Variants in RNF44 observed in about 807,000 individuals in gnomAD.
The protein encoded by RNF44 is ring finger protein 44.
In RNF44, 25 loss-of-function variants were observed where a neutral mutation model predicts 53.6. That is an observed-to-expected ratio of 0.47 (90% CI 0.34 to 0.65). The LOEUF is 0.65. Ranked by LOEUF, RNF44 falls within the 30% of genes least tolerant of loss-of-function variation. The pLI is 0.01. For missense variants in RNF44, 581 were observed against 595.5 expected, an observed-to-expected ratio of 0.98 and a Z score of 0.25; for synonymous variants, 282 against 252.2, an observed-to-expected ratio of 1.12 and a Z score of -1.12.
intron 6 of RNF44, among the ~76,000 whole-genome samples, 175 bp from the exon 7 acceptor site, chr5:176,530,381 G>A (rs193180280): frequency 0.048 from 2,794 of 58,088 alleles, 351 homozygotes; most frequent in Middle Eastern, 0.087. Context: ...AAGTCAGCCC[G>A]GTGGGCCTGC....
chr5:176,530,843 C>T lies in RNF44; in HGVS notation c.639+5G>A. The T allele has an allele frequency of 7.0e-7, 1 of 1,427,530 alleles. No homozygotes were observed. Among genetic ancestry groups the T allele is most frequent in the Non-Finnish European group, 9.2e-7 (1 of 1,092,032 alleles). 88.4% of individuals were successfully genotyped at this position (1,427,530 alleles called of 1,614,324 possible). ...CCCTCCAGCATCGGACCCATGCCGACTCACCATCCGAGGGTGCTGGGTCTG... is the reference window on the plus strand; with the variant it reads ...CCCTCCAGCATCGGACCCATGCCGATTCACCATCCGAGGGTGCTGGGTCTG... On this transcript the variant is annotated splice_donor_5th_base_variant and intron_variant, in intron 5 of 10. Coordinates refer to ENST00000274811, the MANE Select transcript of RNF44 (RefSeq NM_014901.5).
upstream of RNF44, among the ~76,000 whole-genome samples, chr5:176,540,636 T>C (rs1757426088): frequency 6.6e-6 from 1 of 152,176 alleles, no homozygotes; most frequent in Non-Finnish European, 1.5e-5. Flanking sequence ...CAACACCCAG[T>C]CCAGGACCTG....
In RNF44 at chr5:176,531,340, G is replaced by T; in HGVS notation, c.465+123C>A. 2 of 955,740 alleles carry T rather than the reference G, an allele frequency of 2.1e-6. No homozygotes were observed. Among genetic ancestry groups the T allele is most frequent in the Non-Finnish European group, 3.0e-6 (2 of 658,438 alleles). 59.2% of individuals were successfully genotyped at this position (955,740 alleles called of 1,614,324 possible). A position where few individuals can be genotyped will look rare whatever the true frequency, so the allele number is the denominator to read the frequency against. The stretch of plus-strand genomic sequence containing the variant: ...GCTTTCCTGGGGAGGCCAGGCAGGC[G>T]CTCTGACAGCCTGGATGGCTGGATA... On this transcript the variant is annotated intron_variant, in intron 4 of 10. Transcript: ENST00000274811. The surrounding 1 kb of genome is among the most constrained non-coding windows in gnomAD (Gnocchi z 4.2).
Position 176,529,605 on chromosome 5 carries a change from G to C in RNF44, c.1054C>G (p.Pro352Ala). 1 of 1,614,004 alleles carries C rather than the reference G, an allele frequency of 6.2e-7. No individual in the cohort carries two copies. The highest frequency in any genetic ancestry group is 8.5e-7 in the Non-Finnish European group (1 of 1,180,030). The change falls in exon 9 of 11, where the codon CCC becomes GCC. Residue 352 changes from proline to alanine, a missense_variant. Pro to Ala is a conservative substitution (Grantham distance 27). Transcript: ENST00000274811. ...NLAERLGDAK[P>A]RGLTKADIEQ... Reference sequence around the variant, plus strand: ...ATGTCTGCTTTGGTGAGACCCCGGGGCTTGGCATCTCCCAGCCGCTCGGCC... The same window carrying C: ...ATGTCTGCTTTGGTGAGACCCCGGGCCTTGGCATCTCCCAGCCGCTCGGCC...
Position 176,529,623 on chromosome 5 carries a change from G to A in RNF44, c.1036C>T (p.Arg346Trp), listed in dbSNP as rs1300897504. 3.1e-6 allele frequency: 5 copies of A among 1,613,876 alleles called. No individual in the cohort carries two copies. The highest frequency in any genetic ancestry group is 1.6e-4 in the Middle Eastern group (1 of 6,062). ...CCCCGGGGCTTGGCATCTCCCAGCCGCTCGGCCAGGTTCAGGAGGGCCTGC... is the reference window on the plus strand; with the variant it reads ...CCCCGGGGCTTGGCATCTCCCAGCCACTCGGCCAGGTTCAGGAGGGCCTGC... ...NYEALLNLAE[R>W]LGDAKPRGLT... Residue 346 changes from arginine (R) to tryptophan (W), a missense_variant, in exon 9 of 11, where the codon CGG becomes TGG. Arg to Trp is a moderately radical substitution (Grantham distance 101). This residue lies in a region of RNF44 where 183 missense variants were observed against 198.6 expected (regional missense o/e 0.92). Coordinates refer to ENST00000274811, the MANE Select transcript of RNF44 (RefSeq NM_014901.5).
chr5:176,532,555 C>A lies in RNF44; in HGVS notation c.-44-39G>T. On this transcript the variant is annotated intron_variant, in intron 1 of 10. Coordinates refer to ENST00000274811, the MANE Select transcript of RNF44 (RefSeq NM_014901.5). ...AGACAAGAAGACTGAGGCACCTGGC[C>A]AACATGGTGAAACCTCGTCTCTGCT... 2.1e-6 allele frequency: 3 copies of A among 1,442,560 alleles called. No homozygotes were observed. The African/African-American group carries it at 4.3e-5, about 21-fold the overall frequency. The allele number at this position is 1,442,560 out of a possible 1,614,324, so 89.4% of individuals were successfully genotyped here.
Position 176,531,131 on chromosome 5 carries a change from A to G in RNF44, c.466-110T>C. The stretch of plus-strand genomic sequence containing the variant: ...CACCGGGCACACACCCAGCAGCTCC[A>G]GGGTCTGTATAAGAAACCCTGTGGA... On this transcript the variant is annotated intron_variant, in intron 4 of 10. Coordinates refer to ENST00000274811, the MANE Select transcript of RNF44 (RefSeq NM_014901.5). This position sits in a 1 kb window ranked among gnomAD's most constrained non-coding sequence, Gnocchi z 4.2. 1 of 787,378 alleles carries G rather than the reference A, an allele frequency of 1.3e-6. No individual in the cohort carries two copies. The highest frequency in any genetic ancestry group is 1.9e-6 in the Non-Finnish European group (1 of 532,702). 48.8% of individuals were successfully genotyped at this position (787,378 alleles called of 1,614,324 possible).
Position 176,531,999 on chromosome 5 carries a change from C to T in RNF44, c.297+5G>A. ...CAGGGGCACAGGGGATGGGGTTCTGCCTACCTGCTCGTGGAGATCAACCAT... is the reference window on the plus strand; with the variant it reads ...CAGGGGCACAGGGGATGGGGTTCTGTCTACCTGCTCGTGGAGATCAACCAT... On this transcript the variant is annotated splice_donor_5th_base_variant and intron_variant, in intron 3 of 10. Coordinates refer to ENST00000274811, the MANE Select transcript of RNF44 (RefSeq NM_014901.5). This position sits in a 1 kb window ranked among gnomAD's most constrained non-coding sequence, Gnocchi z 4.2. 6.2e-7 allele frequency: 1 copy of T among 1,607,144 alleles called. No individual in the cohort carries two copies.
upstream of RNF44, among the ~76,000 whole-genome samples, chr5:176,539,429 C>T (rs1273902384): frequency 1.3e-5 from 2 of 152,196 alleles, no homozygotes; most frequent in Non-Finnish European, 2.9e-5. Flanking sequence ...GTGGCTCACG[C>T]CTGTAATCCC....
chr5:176,541,177 C>A (rs1173520226), upstream of RNF44, among the ~76,000 whole-genome samples: 1 of 152,206 alleles, frequency 6.6e-6, no homozygotes, highest in Non-Finnish European at 1.5e-5. Context: ...CTGGCATCTG[C>A]TGTGAGGTTC....
At position 176,531,364 on chromosome 5, in the gene RNF44, T is replaced by C. The variant is rs1756640595; in HGVS notation, c.465+99A>G. The C allele has an allele frequency of 1.7e-6, 2 of 1,199,038 alleles. No homozygotes were observed. Among genetic ancestry groups the C allele is most frequent in the Admixed American group, 2.6e-5 (1 of 38,066 alleles). 74.3% of individuals were successfully genotyped at this position (1,199,038 alleles called of 1,614,324 possible). A position where few individuals can be genotyped will look rare whatever the true frequency, so the allele number is the denominator to read the frequency against. On this transcript the variant is annotated intron_variant, in intron 4 of 10. Coordinates refer to ENST00000274811, the MANE Select transcript of RNF44 (RefSeq NM_014901.5). The surrounding 1 kb of genome is among the most constrained non-coding windows in gnomAD (Gnocchi z 4.2). The stretch of plus-strand genomic sequence containing the variant: ...CGCTCTGACAGCCTGGATGGCTGGA[T>C]AGCTCAGCCCAGTTCAGGGCTGCCC...
At chr5:176,539,611 A>G (rs773296130), upstream of RNF44, among the ~76,000 whole-genome samples, 2 of 151,772 alleles carry the variant, frequency 1.3e-5, no homozygotes, top group Non-Finnish European at 2.9e-5. Flanking sequence ...TCGCTTGAAC[A>G]TGGGAAGTGG....
In RNF44 at chr5:176,529,105, A is replaced by G. The variant is rs1385053104; in HGVS notation, c.1237-15T>C. 2 of 1,612,962 alleles carry G rather than the reference A, an allele frequency of 1.2e-6. No homozygotes were observed. Among genetic ancestry groups the G allele is most frequent in the South Asian group, 2.2e-5 (2 of 91,030 alleles). On this transcript the variant is annotated splice_polypyrimidine_tract_variant and intron_variant, in intron 10 of 10. Coordinates refer to ENST00000274811, the MANE Select transcript of RNF44 (RefSeq NM_014901.5). Reference sequence around the variant, plus strand: ...GTCCGGTTGGCCTGTGGGAACATGCACGTCAGGCGTTGCTCTCACCAGCCC... The same window carrying G: ...GTCCGGTTGGCCTGTGGGAACATGCGCGTCAGGCGTTGCTCTCACCAGCCC...
rs1256830547 is a variant in RNF44, at chr5:176,530,618, G to A, written c.765C>T (p.Pro255=). The A allele has an allele frequency of 7.3e-6, 11 of 1,503,480 alleles. No individual in the cohort carries two copies. The highest frequency in any genetic ancestry group is 8.9e-6 in the Non-Finnish European group (10 of 1,128,976). The allele number at this position is 1,503,480 out of a possible 1,614,324, so 93.1% of individuals were successfully genotyped here. ...LSPSVPLHYL[P]HDPLHQELSF... is the part of the protein sequence containing the mutation. ...ACAGCTCCTGGTGCAGCGGATCGTG[G>A]GGCAGGTAGTGCAGGGGCACCGACG... The change falls in exon 6 of 11, where the codon CCC becomes CCT. Residue 255 remains proline, a synonymous_variant. Coordinates refer to ENST00000274811, the MANE Select transcript of RNF44 (RefSeq NM_014901.5).
rs1756649962 is a variant in RNF44, at chr5:176,531,441, G to C, written c.465+22C>G. The C allele has an allele frequency of 1.3e-6, 2 of 1,543,324 alleles. No homozygotes were observed. Among genetic ancestry groups the C allele is most frequent in the Non-Finnish European group, 1.7e-6 (2 of 1,144,068 alleles). The stretch of plus-strand genomic sequence containing the variant: ...CCTGGGGCTTGCAGCTGGTGGAGGA[G>C]GAGCTAGAAACACTCACTCACCGGG... On this transcript the variant is annotated intron_variant, in intron 4 of 10. Coordinates refer to ENST00000274811, the MANE Select transcript of RNF44 (RefSeq NM_014901.5). This position sits in a 1 kb window ranked among gnomAD's most constrained non-coding sequence, Gnocchi z 4.2.
At chr5:176,530,484 C>T in intron 6 of RNF44, 98 bp downstream of exon 6, 1 of 1,268,490 alleles carries the variant, frequency 7.9e-7, no homozygotes, top group Non-Finnish European at 1.0e-6. Context: ...CCCGGTGGGC[C>T]TGCCTCCCAG....
At chr5:176,538,358 C>A (rs1757357455), upstream of RNF44, among the ~76,000 whole-genome samples, 2 of 152,176 alleles carry the variant, frequency 1.3e-5, no homozygotes, top group South Asian at 4.1e-4. Flanking sequence ...CCAGATCACA[C>A]AACTAGAAGT....
intron 1 of RNF44, among the ~76,000 whole-genome samples, chr5:176,533,572 T>C (rs1029302733): frequency 3.3e-5 from 5 of 152,148 alleles, no homozygotes; most frequent in African/African-American, 1.2e-4. Flanking sequence ...CTGTGGAGTC[T>C]GGCATGCAGC....
intron 1 of RNF44, among the ~76,000 whole-genome samples, chr5:176,535,375 G>A (rs529383987): frequency 6.6e-6 from 1 of 152,294 alleles, no homozygotes; most frequent in Admixed American, 6.5e-5. Flanking sequence ...GAGCTTGAAG[G>A]GTGCCACTTC....
Sources: gnomAD v4.1 joint callset for allele counts (sites outside exome capture counted in the v4.1 genomes callset) on GRCh38, gnomAD v4.1.1 for gene constraint, gnomAD v4.1.1 regional missense constraint, Gnocchi (gnomAD v3.1) non-coding constraint, MANE v1.5 for transcripts, NCBI Gene and HGNC (gene_info 2026-07-23, HGNC 2026-07-21) for gene names.